The following CUL2 variants were observed in gnomAD, a reference collection of about 807,000 sequenced individuals.
CUL2 encodes cullin 2, also known as cullin-2.
A neutral mutation model predicts 110.2 loss-of-function variants in CUL2; 22 were observed. The observed-to-expected ratio is 0.20, with a 90% CI of 0.14 to 0.28. The LOEUF (loss-of-function observed/expected upper bound fraction) is 0.28. Among genes scored for constraint, CUL2 ranks in the 10% least tolerant of loss-of-function variants. The probability of loss-of-function intolerance (pLI) is 1.00; values close to 1 mark genes in which losing one functional copy is unlikely to be tolerated. For synonymous variants in CUL2, 279 were observed against 293.2 expected (o/e 0.95, Z 0.49); for missense variants, 631 against 905.5 (o/e 0.70, Z 3.89).
At chr10:35,126,357 C>T (rs776229284) in intron 1 of CUL2, among the ~76,000 whole-genome samples, 1 of 152,234 alleles carries the variant, frequency 6.6e-6, no homozygotes. Context: ...AAGGACTCAA[C>T]CAGCTGTGAC....
chr10:35,010,854 C>T (rs2084881788), intron 20 of CUL2, among the ~76,000 whole-genome samples: 1 of 152,144 alleles, frequency 6.6e-6, no homozygotes, highest in Non-Finnish European at 1.5e-5. Flanking sequence ...TGTATTTCTT[C>T]CCCCATTAAA....
chr10:35,103,938 A>G (rs1328160613), intron 1 of CUL2, among the ~76,000 whole-genome samples: 4 of 152,094 alleles, frequency 2.6e-5, no homozygotes, highest in Non-Finnish European at 5.9e-5. Flanking sequence ...AAAAAAAAAA[A>G]GAATGTAAAA....
chr10:35,025,225 T>C (rs769804277), intron 16 of CUL2, 27 bp from the exon 17 acceptor site: 1 of 1,526,928 alleles, frequency 6.5e-7, no homozygotes, highest in Non-Finnish European at 8.8e-7. Flanking sequence ...AAAACACACA[T>C]TATTTTTAGC....
intron 1 of CUL2, among the ~76,000 whole-genome samples, chr10:35,078,862 G>C (rs2086883275): frequency 6.6e-6 from 1 of 152,012 alleles, no homozygotes; most frequent in African/African-American, 2.4e-5. Flanking sequence ...TAAAAATTTG[G>C]CATCCAAAAA....
chr10:35,009,991 T>TAA lies in CUL2; in HGVS notation c.*318_*319dup, dbSNP rs147061473. 7.2e-3 allele frequency: 994 copies of TAA among 138,464 alleles called. 14 individuals carry two copies. The highest frequency in any genetic ancestry group is 0.025 in the African/African-American group (930 of 37,570). The allele number at this position is 138,464 out of a possible 1,614,324, so 8.6% of individuals were successfully genotyped here. On this transcript the variant is annotated 3_prime_UTR_variant, in exon 21 of 21. Coordinates refer to ENST00000374749, the MANE Select transcript of CUL2 (RefSeq NM_003591.4). ...AAATTTTATGTCCTTTAAGATACAT[T>TAA]AAAAAAAAAAAAAAAGACACATCAA...
At chr10:35,100,293 G>T (rs2087358918) in intron 2 of CUL2, among the ~76,000 whole-genome samples, 1 of 152,064 alleles carries the variant, frequency 6.6e-6, no homozygotes, top group South Asian at 2.1e-4. Context: ...CATTCCGCTA[G>T]AAATAAAAAA....
intron 9 of CUL2, among the ~76,000 whole-genome samples, chr10:35,036,541 G>A (rs1416359291): frequency 6.6e-6 from 1 of 152,172 alleles, no homozygotes; most frequent in African/African-American, 2.4e-5. Context: ...GTTTCCCAAA[G>A]TAGTTGCATC....
rs181932796 is a variant in CUL2, at chr10:35,095,807, C to T, written c.167+5037G>A. ...AACTCCTGACCTCAAGTGATCCACC[C>T]GCCTCAGCCTCCCAAAGAGTTGAGA... On this transcript the variant is annotated intron_variant, in intron 2 of 5. Coordinates refer to the CUL2 transcript ENST00000685421. 6.0e-3 allele frequency among the ~76,000 whole-genome samples: 915 copies of T among 152,178 alleles called. 11 individuals are homozygous for T. The highest frequency in any genetic ancestry group is 0.021 in the African/African-American group (867 of 41,532).
At chr10:35,030,052 A>G (rs1410786034) in intron 14 of CUL2, among the ~76,000 whole-genome samples, 2 of 152,214 alleles carry the variant, frequency 1.3e-5, no homozygotes, top group East Asian at 3.9e-4. Flanking sequence ...CATTGGAGCC[A>G]TCATGGTGCA....
chr10:35,030,981 C>T (rs2085467983), intron 14 of CUL2, among the ~76,000 whole-genome samples: 1 of 152,128 alleles, frequency 6.6e-6, no homozygotes, highest in East Asian at 1.9e-4. Flanking sequence ...GGTATGTAAG[C>T]AAGCTGAAAT....
In CUL2 at chr10:35,032,591, C is replaced by T. The variant is rs189527642; in HGVS notation, c.1111-97G>A. The T allele has an allele frequency of 8.7e-5, 75 of 866,624 alleles. No individual in the cohort carries two copies. The African/African-American group carries it at 9.8e-4, about 11-fold the overall frequency. The allele number at this position is 866,624 out of a possible 1,614,324, so 53.7% of individuals were successfully genotyped here. A position where few individuals can be genotyped will look rare whatever the true frequency, so the allele number is the denominator to read the frequency against. ...TAATCTGTACATCCAAAAATTACCC[C>T]GCCACATAAAACACAGCATTGCCGG... On this transcript the variant is annotated intron_variant, in intron 11 of 20. Transcript: ENST00000374749.
At chr10:35,029,142 C>T (rs967644633) in intron 15 of CUL2, among the ~76,000 whole-genome samples, 1 of 151,778 alleles carries the variant, frequency 6.6e-6, no homozygotes, top group African/African-American at 2.4e-5. Flanking sequence ...ACTGCAACCT[C>T]CGCCTCTGGG....
upstream of CUL2, among the ~76,000 whole-genome samples, chr10:35,090,793 A>G (rs919833260): frequency 1.3e-5 from 2 of 152,210 alleles, no homozygotes; most frequent in South Asian, 2.1e-4. Flanking sequence ...GTACCCACCC[A>G]CTACCCGTTA....
At chr10:35,112,748 A>C (rs2087537366) in intron 1 of CUL2, among the ~76,000 whole-genome samples, 1 of 152,228 alleles carries the variant, frequency 6.6e-6, no homozygotes, top group Non-Finnish European at 1.5e-5. Context: ...AGTATTATAC[A>C]GGGCATGAGG....
intron 1 of CUL2, among the ~76,000 whole-genome samples, chr10:35,101,659 G>T (rs887144016): frequency 6.6e-6 from 1 of 152,132 alleles, no homozygotes; most frequent in Non-Finnish European, 1.5e-5. Context: ...ACAAGCACTC[G>T]TTTCTTCTGA....
At position 35,044,664 on chromosome 10, in the gene CUL2, T is replaced by C; in HGVS notation, c.616A>G (p.Ile206Val). 6.2e-7 allele frequency: 1 copy of C among 1,607,852 alleles called. No individual in the cohort carries two copies. The highest frequency in any genetic ancestry group is 8.5e-7 in the Non-Finnish European group (1 of 1,177,966). ...KKFPLKFYQE[I>V]FESPFLTETG... is the part of the protein sequence containing the mutation. ...TCAGTCAGAAAGGGAGACTCAAAAA[T>C]TTCCTGATAAAACTGAATAAATCAA... The change falls in exon 8 of 21, where the codon ATT becomes GTT. Residue 206 changes from isoleucine to valine, a missense_variant. Ile to Val is a conservative substitution (Grantham distance 29, BLOSUM62 3). This residue lies in a region of CUL2 where 338 missense variants were observed against 442.5 expected (regional missense o/e 0.76). Coordinates refer to ENST00000374749, the MANE Select transcript of CUL2 (RefSeq NM_003591.4).
chr10:35,108,021 T>C (rs770631885), intron 1 of CUL2, among the ~76,000 whole-genome samples: 1 of 152,124 alleles, frequency 6.6e-6, no homozygotes, highest in Non-Finnish European at 1.5e-5. Flanking sequence ...TGCAATTATT[T>C]AGGCAAGGGA....
At chr10:35,013,867 G>A in intron 18 of CUL2, 67 bp from the exon 19 acceptor site, 1 of 1,124,312 alleles carries the variant, frequency 8.9e-7, no homozygotes. Context: ...TTTGCTGCAA[G>A]CAATTCTGCT....
intron 9 of CUL2, among the ~76,000 whole-genome samples, chr10:35,036,908 A>G (rs2085635571): frequency 6.6e-6 from 1 of 151,868 alleles, no homozygotes; most frequent in South Asian, 2.1e-4. Context: ...TAATGCTTGT[A>G]TTTTTTTGCA....
Sources: gnomAD v4.1 joint callset for allele counts (sites outside exome capture counted in the v4.1 genomes callset) on GRCh38, gnomAD v4.1.1 for gene constraint, gnomAD v4.1.1 regional missense constraint, MANE v1.5 for transcripts, NCBI Gene and HGNC (gene_info 2026-07-23, HGNC 2026-07-21) for gene names.